Variants in RNF24 observed in about 807,000 individuals in gnomAD.
The protein encoded by RNF24 is ring finger protein 24.
Under a neutral mutation model 20.0 loss-of-function variants are expected in RNF24, and 14 were observed. The observed-to-expected ratio is 0.70, with a 90% CI of 0.46 to 1.10. RNF24 has a LOEUF of 1.10. Among genes scored for constraint, RNF24 ranks in the 50% least tolerant of loss-of-function variants. The pLI, the probability that RNF24 is intolerant of heterozygous loss-of-function variation, is 0.00. For synonymous variants in RNF24, 45 were observed against 61.1 expected, an observed-to-expected ratio of 0.74 and a Z score of 1.23; for missense variants, 124 against 177.6, an observed-to-expected ratio of 0.70 and a Z score of 1.71.
rs561571064 is a variant in RNF24, at chr20:3,933,824, G to A, written c.*239C>T. 11 of 342,610 alleles carry A rather than the reference G, an allele frequency of 3.2e-5. No homozygotes were observed. Among genetic ancestry groups the A allele is most frequent in the African/African-American group, 2.3e-4 (11 of 47,540 alleles). 21.2% of individuals were successfully genotyped at this position (342,610 alleles called of 1,614,324 possible). A position where few individuals can be genotyped will look rare whatever the true frequency, so the allele number is the denominator to read the frequency against. ...AAGAGACCCTCATGAAGTTTCTTGAGGCAAACCCGCAGGCTCATCCACTCC... is the reference window on the plus strand; with the variant it reads ...AAGAGACCCTCATGAAGTTTCTTGAAGCAAACCCGCAGGCTCATCCACTCC... On this transcript the variant is annotated 3_prime_UTR_variant, in exon 6 of 6. Coordinates refer to ENST00000358395, the MANE Select transcript of RNF24 (RefSeq NM_001134337.3).
chr20:3,940,919 T>A (rs1302425150), intron 4 of RNF24, among the ~76,000 whole-genome samples: 4 of 152,192 alleles, frequency 2.6e-5, no homozygotes, highest in Admixed American at 6.5e-5. Flanking sequence ...AAGTTCATTA[T>A]GAAGATAAAA....
intron 1 of RNF24, among the ~76,000 whole-genome samples, chr20:3,974,150 A>C (rs1434051152): frequency 1.3e-5 from 2 of 152,120 alleles, no homozygotes; most frequent in East Asian, 1.9e-4. Flanking sequence ...TTTAAAAAAA[A>C]CACATTTCAC....
chr20:4,001,420 A>G (rs779975189), intron 1 of RNF24, among the ~76,000 whole-genome samples: 4 of 152,232 alleles, frequency 2.6e-5, no homozygotes, highest in Non-Finnish European at 5.9e-5. Flanking sequence ...AATAAAATGT[A>G]GTGGGGTTAT....
In RNF24 at chr20:3,945,175, A is replaced by ACCT; in HGVS notation, c.227_228+1dup. 1.2e-6 allele frequency: 2 copies of ACCT among 1,601,840 alleles called. No individual in the cohort carries two copies. The highest frequency in any genetic ancestry group is 3.5e-5 in the Admixed American group (2 of 57,728). ...AAGAGGATTTACTTATCATCAACTTACCTCATGTAAATTCAATTCTTTTAC... is the reference window on the plus strand; with the variant it reads ...AAGAGGATTTACTTATCATCAACTTACCTCCTCATGTAAATTCAATTCTTTTAC... On this transcript the variant is annotated splice_donor_variant, in intron 4 of 5. Coordinates refer to ENST00000358395, the MANE Select transcript of RNF24 (RefSeq NM_001134337.3). LOFTEE classifies it high-confidence loss of function.
chr20:3,990,278 T>TG (rs974139315), intron 1 of RNF24, among the ~76,000 whole-genome samples: 5 of 152,044 alleles, frequency 3.3e-5, no homozygotes, highest in Non-Finnish European at 7.4e-5. Context: ...ACTTTCTGCT[T>TG]GGGGGAAAAA....
At chr20:3,957,371 T>C (rs543566563) in intron 2 of RNF24, among the ~76,000 whole-genome samples, 1 of 151,634 alleles carries the variant, frequency 6.6e-6, no homozygotes, top group Admixed American at 6.6e-5. Flanking sequence ...TGAGGTAGGA[T>C]TGCTTGAGCC....
chr20:3,980,492 A>T (rs770972261), intron 1 of RNF24, among the ~76,000 whole-genome samples: 1 of 152,330 alleles, frequency 6.6e-6, no homozygotes, highest in Non-Finnish European at 1.5e-5. Flanking sequence ...ACTACTCAGA[A>T]TGGTGAATAA....
intron 2 of RNF24, among the ~76,000 whole-genome samples, chr20:3,954,476 G>C (rs967946357): frequency 6.6e-6 from 1 of 152,032 alleles, no homozygotes; most frequent in Non-Finnish European, 1.5e-5. Flanking sequence ...CCATTCATCT[G>C]TCGATGGACA....
chr20:3,976,212 T>C (rs1462774815), intron 1 of RNF24, among the ~76,000 whole-genome samples: 1 of 152,070 alleles, frequency 6.6e-6, no homozygotes, highest in African/African-American at 2.4e-5. Context: ...AATTAGAAAA[T>C]GGGCAAAAGA....
At chr20:3,973,518 AAAAAAAAGAG>A (rs1978574120) in intron 1 of RNF24, among the ~76,000 whole-genome samples, 1 of 146,172 alleles carries the variant, frequency 6.8e-6, no homozygotes, top group South Asian at 2.2e-4. Flanking sequence ...AAAAAAAAAA[AAAAAAAAGAG>A]AAGACACAAA....
intron 2 of RNF24, among the ~76,000 whole-genome samples, chr20:3,950,939 T>C (rs1336742677): frequency 6.7e-6 from 1 of 150,250 alleles, no homozygotes; most frequent in Non-Finnish European, 1.5e-5. Context: ...TAGTTATGTC[T>C]CCTTAGCCAC....
At chr20:3,961,951 CTTT>C (rs1471131914) in intron 2 of RNF24, among the ~76,000 whole-genome samples, 1 of 151,960 alleles carries the variant, frequency 6.6e-6, no homozygotes, top group East Asian at 1.9e-4. Flanking sequence ...TATTTGAGTG[CTTT>C]ATTATATTGG....
intron 2 of RNF24, among the ~76,000 whole-genome samples, chr20:3,961,800 G>T (rs1289523179): frequency 6.7e-6 from 1 of 150,116 alleles, no homozygotes; most frequent in Admixed American, 6.6e-5. Context: ...CATTCGTAGA[G>T]GAATTATCAA....
At chr20:4,006,991 C>T (rs764124897) in intron 1 of RNF24, among the ~76,000 whole-genome samples, 24 of 152,224 alleles carry the variant, frequency 1.6e-4, no homozygotes, top group Non-Finnish European at 4.4e-5. Context: ...TTTTAGAACC[C>T]TCAATTTACC....
chr20:3,960,849 T>G (rs972598681), intron 2 of RNF24, among the ~76,000 whole-genome samples: 2 of 151,952 alleles, frequency 1.3e-5, no homozygotes, highest in Non-Finnish European at 2.9e-5. Flanking sequence ...CAGGGTAGAG[T>G]GTGGCACAAT....
At chr20:3,945,115 T>TA (rs2091001057) in intron 4 of RNF24, 62 bp downstream of exon 4, 1 of 1,575,230 alleles carries the variant, frequency 6.3e-7, no homozygotes, top group East Asian at 2.3e-5. Flanking sequence ...TGTTTAAACA[T>TA]ACCACAGCAT....
rs1157184215 is a variant in RNF24 at position 3,966,778 on chromosome 20, G to A, written c.-7-2754C>T. Among the ~76,000 whole-genome samples the A allele has an allele frequency of 2.6e-5, 4 of 152,178 alleles. No homozygotes were observed. The East Asian group carries it at 7.7e-4, about 29-fold the overall frequency. The stretch of plus-strand genomic sequence containing the variant: ...GGGAATGTTGCCCTGCAGAGTTCTT[G>A]AAATTGGTACAATTCTTGTAGCATT... On this transcript the variant is annotated intron_variant, in intron 1 of 5. Transcript: ENST00000358395.
chr20:3,974,445 A>G (rs775235977), intron 1 of RNF24: 16 of 1,475,692 alleles, frequency 1.1e-5, no homozygotes, highest in Non-Finnish European at 1.4e-5. Flanking sequence ...AGGCATACAC[A>G]TCAGAAAGGA....
intron 1 of RNF24, among the ~76,000 whole-genome samples, chr20:4,008,277 C>A (rs947695599): frequency 1.8e-4 from 24 of 132,298 alleles, no homozygotes; most frequent in African/African-American, 6.6e-4. Context: ...TCCAAGCAGT[C>A]TGATGCCAGA....
Sources: allele counts gnomAD v4.1 joint callset (sites outside exome capture counted in the v4.1 genomes callset), GRCh38; gene constraint gnomAD v4.1.1; transcripts MANE v1.5; gene names NCBI Gene and HGNC (gene_info 2026-07-23, HGNC 2026-07-21).